Variants in MYH11 observed in about 807,000 individuals in gnomAD.
The protein encoded by MYH11 is myosin heavy chain 11.
A neutral mutation model predicts 246.6 loss-of-function variants in MYH11; 80 were observed. The observed-to-expected ratio is 0.32, with a 90% CI of 0.27 to 0.39. The LOEUF (loss-of-function observed/expected upper bound fraction) is 0.39, where lower values mean the gene tolerates loss of function less well. Ranked by LOEUF, MYH11 falls within the 10% of genes least tolerant of loss-of-function variation. The pLI is 1.00. For missense variants in MYH11, 2,158 were observed against 2,546.8 expected (o/e 0.85, Z 3.29); for synonymous variants, 1,071 against 1,015.5 (o/e 1.05, Z -1.04).
chr16:15,719,167 C>T (rs1419423420), intron 36 of MYH11, 53 bp downstream of exon 36: 6 of 1,532,562 alleles, frequency 3.9e-6, no homozygotes, highest in African/African-American at 1.4e-5. Flanking sequence ...GAGGATGCTG[C>T]CTGTCCCCCC....
At chr16:15,780,332 T>C (rs749609345) in intron 6 of MYH11, among the ~76,000 whole-genome samples, 1 of 152,054 alleles carries the variant, frequency 6.6e-6, no homozygotes, top group Admixed American at 6.5e-5. Flanking sequence ...AGTCCTGCAA[T>C]GACCTGGAGA....
At chr16:15,817,961 A>G (rs1363189504) in intron 3 of MYH11, among the ~76,000 whole-genome samples, 1 of 152,196 alleles carries the variant, frequency 6.6e-6, no homozygotes, top group Admixed American at 6.5e-5. Flanking sequence ...TAACTCTAAT[A>G]ATTCATTGAT....
At chr16:15,720,695 T>C in intron 33 of MYH11, 144 bp downstream of exon 33, 1 of 917,922 alleles carries the variant, frequency 1.1e-6, no homozygotes, top group South Asian at 1.4e-5. Flanking sequence ...ATTACGCCAC[T>C]GCACTCCAGC....
At chr16:15,728,989 C>T (rs1011201200) in intron 27 of MYH11, among the ~76,000 whole-genome samples, 4 of 151,962 alleles carry the variant, frequency 2.6e-5, no homozygotes, top group African/African-American at 4.8e-5. Flanking sequence ...GCAAGTATCC[C>T]GAGAGGACGA....
chr16:15,735,567 T>G lies in MYH11; in HGVS notation c.3305A>C (p.Glu1102Ala). ...CAGGGCATTGTTCTTCTGAGCGATT[T>G]CATCGTCAAGCCTTCCAGGGAGAGA... is the stretch of plus-strand genomic sequence containing the variant. ...LQAALARLDD[E>A]IAQKNNALKK... The change falls in exon 26 of 41, where the codon GAA becomes GCA. Residue 1102 changes from glutamate to alanine, a missense_variant. By Grantham distance (107) the Glu-to-Ala change is moderately radical. Transcript: ENST00000300036. 1 of 1,614,220 alleles carries G rather than the reference T, an allele frequency of 6.2e-7. No individual in the cohort carries two copies. The highest frequency in any genetic ancestry group is 1.6e-4 in the Middle Eastern group (1 of 6,062).
chr16:15,775,660 C>G (rs1050676608), intron 8 of MYH11, among the ~76,000 whole-genome samples: 1 of 152,234 alleles, frequency 6.6e-6, no homozygotes, highest in Non-Finnish European at 1.5e-5. Context: ...ATGAAAAATG[C>G]TTAGTCCTGC....
At position 15,776,958 on chromosome 16, in the gene MYH11, G is replaced by T. The variant is rs377063974; in HGVS notation, c.791-782C>A. Among the ~76,000 whole-genome samples the T allele has an allele frequency of 1.2e-4, 18 of 152,280 alleles. 1 individual carries two copies. The highest frequency in any genetic ancestry group is 9.8e-4 in the Admixed American group (15 of 15,294). ...CACAGCACTAAGCATGATGGTGCGG[G>T]ATGATGGGGCTAGATCAGCAGACCT... is the stretch of plus-strand genomic sequence containing the variant. On this transcript the variant is annotated intron_variant, in intron 7 of 40. Coordinates refer to ENST00000300036, the MANE Select transcript of MYH11 (RefSeq NM_002474.3).
Position 15,715,181 on chromosome 16 carries a change from C to A in MYH11, c.5596G>T (p.Glu1866Ter), listed in dbSNP as rs148743922. Residue 1866 changes from glutamate to a stop codon, truncating the protein, a stop_gained, in exon 39 of 41, where the codon GAG becomes TAG. Coordinates refer to ENST00000300036, the MANE Select transcript of MYH11 (RefSeq NM_002474.3). LOFTEE classifies it high-confidence loss of function. ...LQVEDERKMAEQYKEQAEKGN... is the reference protein window; with the variant it reads ...LQVEDERKMA ...GGGGCTACCTGCTCCTTGTACTGCT[C>A]GGCCATCTTGCGCTCGTCCTCCACC... 1 of 1,613,690 alleles carries A rather than the reference C, an allele frequency of 6.2e-7. No homozygotes were observed. Among genetic ancestry groups the A allele is most frequent in the Non-Finnish European group, 8.5e-7 (1 of 1,180,018 alleles).
chr16:15,851,817 AC>A lies in MYH11; in HGVS notation c.-18+5123del, dbSNP rs934620152. 8.3e-4 allele frequency among the ~76,000 whole-genome samples: 127 copies of A among 152,256 alleles called. 1 individual carries two copies. Among genetic ancestry groups the A allele is most frequent in the African/African-American group, 3.0e-3 (126 of 41,542 alleles). ...CTATTTTTTCCTCCCAACCAAGAGA[AC>A]TTGGTTGGCAAGAGTTACGGTAGCC... On this transcript the variant is annotated intron_variant, in intron 1 of 40. Coordinates refer to ENST00000300036, the MANE Select transcript of MYH11 (RefSeq NM_002474.3).
intron 13 of MYH11, 150 bp from the exon 14 acceptor site, chr16:15,756,664 G>C: frequency 1.2e-6 from 1 of 821,982 alleles, no homozygotes; most frequent in Non-Finnish European, 2.0e-6. Flanking sequence ...TGACCCCCAT[G>C]CTTCCAAATC....
intron 7 of MYH11, among the ~76,000 whole-genome samples, 158 bp downstream of exon 7, chr16:15,778,622 C>T (rs1323000374): frequency 6.6e-6 from 1 of 152,102 alleles, no homozygotes; most frequent in Admixed American, 6.5e-5. Flanking sequence ...CATGTATAAC[C>T]ACTGCACCAC....
chr16:15,707,253 T>A (rs1255854967), intron 40 of MYH11, among the ~76,000 whole-genome samples: 1 of 152,110 alleles, frequency 6.6e-6, no homozygotes, highest in Non-Finnish European at 1.5e-5. Flanking sequence ...GCCAGGCTGG[T>A]CCTGACCTCA....
At chr16:15,803,839 A>G (rs2042946067) in intron 3 of MYH11, among the ~76,000 whole-genome samples, 1 of 152,174 alleles carries the variant, frequency 6.6e-6, no homozygotes, top group South Asian at 2.1e-4. Flanking sequence ...GGGAGCTGCC[A>G]GCGCGGCTCC....
intron 8 of MYH11, among the ~76,000 whole-genome samples, chr16:15,774,439 A>C (rs777710044): frequency 6.6e-6 from 1 of 152,216 alleles, no homozygotes; most frequent in Admixed American, 6.5e-5. Context: ...AGGAATGTCA[A>C]CATTTTTCCC....
rs2041550680 is a variant in MYH11, at chr16:15,750,967, T to C, written c.1865-636A>G. Among the ~76,000 whole-genome samples, 1 of 151,990 alleles carries C rather than the reference T, an allele frequency of 6.6e-6. No individual in the cohort carries two copies. Among genetic ancestry groups the C allele is most frequent in the South Asian group, 2.1e-4 (1 of 4,814 alleles). Reference sequence around the variant, plus strand: ...GGTGCTCTCTTAGACAAGGAGGTGGTGGGCTCTGCTAAGTTGATATTTGAG... The same window carrying C: ...GGTGCTCTCTTAGACAAGGAGGTGGCGGGCTCTGCTAAGTTGATATTTGAG... On this transcript the variant is annotated intron_variant, in intron 15 of 40. Coordinates refer to ENST00000300036, the MANE Select transcript of MYH11 (RefSeq NM_002474.3). This position sits in a 1 kb window ranked among gnomAD's most constrained non-coding sequence, Gnocchi z 4.3.
chr16:15,818,397 T>C (rs2043315343), intron 3 of MYH11, among the ~76,000 whole-genome samples: 1 of 152,200 alleles, frequency 6.6e-6, no homozygotes, highest in Non-Finnish European at 1.5e-5. Context: ...CAAGCTTAAA[T>C]TTTTCTCCAT....
chr16:15,759,336 C>T (rs1013168374), intron 12 of MYH11, among the ~76,000 whole-genome samples: 7 of 151,570 alleles, frequency 4.6e-5, no homozygotes, highest in East Asian at 1.9e-4. Flanking sequence ...AGAACGATGG[C>T]GGGAGATCAG....
intron 3 of MYH11, among the ~76,000 whole-genome samples, chr16:15,811,256 T>C (rs1355795318): frequency 6.6e-6 from 1 of 152,192 alleles, no homozygotes; most frequent in East Asian, 1.9e-4. Context: ...GTCTATGGTA[T>C]TTTGATATAG....
intron 37 of MYH11, 30 bp downstream of exon 37, chr16:15,718,285 G>C (rs778120108): frequency 1.9e-6 from 3 of 1,606,422 alleles, no homozygotes; most frequent in African/African-American, 1.3e-5. Context: ...ACAGTAGGCA[G>C]CGTGACTGTG....
Sources: allele counts gnomAD v4.1 joint callset (sites outside exome capture counted in the v4.1 genomes callset), GRCh38; gene constraint gnomAD v4.1.1; non-coding constraint Gnocchi (gnomAD v3.1); transcripts MANE v1.5; gene names NCBI Gene and HGNC (gene_info 2026-07-23, HGNC 2026-07-21).